The following CREB5 variants were observed in gnomAD, a reference collection of about 807,000 sequenced individuals.
CREB5 encodes the protein cyclic AMP-responsive element-binding protein 5.
CREB5 carries 19 observed loss-of-function variants against 57.1 expected under a neutral mutation model. The ratio of observed to expected loss-of-function variants is 0.33; its 90% CI spans 0.23 to 0.49. The LOEUF (loss-of-function observed/expected upper bound fraction) is 0.49, where lower values mean the gene tolerates loss of function less well. Among genes scored for constraint, CREB5 ranks in the 20% least tolerant of loss-of-function variants. The pLI is 0.99. For missense variants in CREB5, 579 were observed against 671.6 expected (o/e 0.86, Z 1.52); for synonymous variants, 238 against 238.3 (o/e 1.00, Z 0.01).
intron 1 of CREB5, among the ~76,000 whole-genome samples, chr7:28,324,979 C>T (rs13231184): frequency 6.6e-6 from 1 of 152,274 alleles, no homozygotes; most frequent in East Asian, 1.9e-4. Context: ...CAAGACTTGT[C>T]AACGCTTCTT....
intron 4 of CREB5, among the ~76,000 whole-genome samples, chr7:28,509,343 C>G (rs1792607115): frequency 6.6e-6 from 1 of 152,120 alleles, no homozygotes; most frequent in Non-Finnish European, 1.5e-5. Context: ...TATATGAAGC[C>G]CTGTGTGAGG....
chr7:28,569,621 A>G (rs555557076), intron 4 of CREB5, among the ~76,000 whole-genome samples: 69 of 152,310 alleles, frequency 4.5e-4, no homozygotes, highest in Middle Eastern at 6.8e-3. Context: ...ACTATGGTCC[A>G]AGCACCACGG....
chr7:28,675,163 C>T (rs1345356070), intron 5 of CREB5, among the ~76,000 whole-genome samples: 1 of 152,204 alleles, frequency 6.6e-6, no homozygotes, highest in Admixed American at 6.5e-5. Context: ...ACATCCAATG[C>T]TCCCTCTCAT....
chr7:28,553,420 CT>C, intron 4 of CREB5, among the ~76,000 whole-genome samples: 1 of 152,216 alleles, frequency 6.6e-6, no homozygotes, highest in South Asian at 2.1e-4. Flanking sequence ...TGTTTATTTG[CT>C]TTTTAAAATT....
At chr7:28,554,447 T>A (rs750597896) in intron 4 of CREB5, among the ~76,000 whole-genome samples, 1 of 152,234 alleles carries the variant, frequency 6.6e-6, no homozygotes, top group Non-Finnish European at 1.5e-5. Flanking sequence ...TGTTTTGGGT[T>A]TATCTATCTG....
chr7:28,668,656 G>A lies in CREB5; in HGVS notation c.465-50097G>A, dbSNP rs999386831. Among the ~76,000 whole-genome samples the A allele has an allele frequency of 3.3e-5, 5 of 152,298 alleles. No homozygotes were observed. In the South Asian group the frequency reaches 8.3e-4, roughly 25 times the overall value. Reference sequence around the variant, plus strand: ...AAAGGGTTAGGTTTTCTTCTAAACAGATTTGGATGAAAATAGGTTTTATTA... The same window carrying A: ...AAAGGGTTAGGTTTTCTTCTAAACAAATTTGGATGAAAATAGGTTTTATTA... On this transcript the variant is annotated intron_variant, in intron 5 of 10. Coordinates refer to ENST00000357727, the MANE Select transcript of CREB5 (RefSeq NM_182898.4).
chr7:28,786,363 C>T (rs1262342340), intron 7 of CREB5, among the ~76,000 whole-genome samples: 2 of 152,174 alleles, frequency 1.3e-5, no homozygotes, highest in South Asian at 2.1e-4. Context: ...TCTCCTGCCT[C>T]AGCCTCCCAA....
intron 7 of CREB5, chr7:28,749,499 T>A (rs1476057427): frequency 6.6e-6 from 1 of 152,046 alleles, no homozygotes; most frequent in Non-Finnish European, 1.5e-5. Context: ...AAGAAGAGAG[T>A]GGGTTGAATA....
chr7:28,574,551 C>T (rs1187147359), intron 5 of CREB5, among the ~76,000 whole-genome samples: 3 of 152,196 alleles, frequency 2.0e-5, no homozygotes, highest in Admixed American at 2.0e-4. Flanking sequence ...ATATAATTTA[C>T]ACTCAGTAAT....
intron 1 of CREB5, among the ~76,000 whole-genome samples, chr7:28,315,401 C>T (rs144603007): frequency 3.3e-3 from 510 of 152,300 alleles, no homozygotes; most frequent in African/African-American, 0.012. Context: ...GCTGAGGTTG[C>T]CTTCTGTTAG....
At chr7:28,534,009 C>A (rs1020741010) in intron 4 of CREB5, among the ~76,000 whole-genome samples, 2 of 152,192 alleles carry the variant, frequency 1.3e-5, no homozygotes, top group African/African-American at 4.8e-5. Context: ...CCTGTCATCC[C>A]AACCCTGGAA....
chr7:28,413,092 A>ATGTGTGTGTGTGTG (rs10599936), intron 1 of CREB5, among the ~76,000 whole-genome samples, 175 bp downstream of exon 1: 2,812 of 147,298 alleles, frequency 0.019, 45 homozygotes, highest in Admixed American at 0.041. Flanking sequence ...ATGTGGAAGG[A>ATGTGTGTGTGTGTG]TGTGTGTGTG....
At chr7:28,327,764 A>C (rs968334683) in intron 1 of CREB5, among the ~76,000 whole-genome samples, 2 of 152,220 alleles carry the variant, frequency 1.3e-5, no homozygotes, top group Non-Finnish European at 2.9e-5. Context: ...ATTTCACTGA[A>C]ATAATTTTTG....
At chr7:28,453,506 C>G (rs1789934905) in intron 1 of CREB5, among the ~76,000 whole-genome samples, 1 of 152,240 alleles carries the variant, frequency 6.6e-6, no homozygotes, top group Admixed American at 6.5e-5. Flanking sequence ...GACTTATCTT[C>G]TCATATGATT....
chr7:28,689,559 T>C (rs1370609807), intron 5 of CREB5, among the ~76,000 whole-genome samples: 1 of 152,206 alleles, frequency 6.6e-6, no homozygotes, highest in Non-Finnish European at 1.5e-5. Context: ...TGTAGTACAT[T>C]ACTACAATCA....
chr7:28,478,650 C>T (rs1791183945), intron 1 of CREB5, among the ~76,000 whole-genome samples: 1 of 152,098 alleles, frequency 6.6e-6, no homozygotes, highest in Non-Finnish European at 1.5e-5. Flanking sequence ...ATCAACAAGG[C>T]AATTATCACA....
At chr7:28,563,082 T>C (rs949337745) in intron 4 of CREB5, among the ~76,000 whole-genome samples, 1 of 152,204 alleles carries the variant, frequency 6.6e-6, no homozygotes, top group Admixed American at 6.5e-5. Context: ...ATAGTAACCA[T>C]ATATCTACCT....
At chr7:28,513,288 A>G (rs569174618) in intron 4 of CREB5, among the ~76,000 whole-genome samples, 134 of 152,354 alleles carry the variant, frequency 8.8e-4, no homozygotes, top group Non-Finnish European at 1.6e-3. Context: ...TTATGCTAAC[A>G]TGTTGCTTCT....
In CREB5 at chr7:28,560,909, CGT is replaced by C. The variant is rs1268332483; in HGVS notation, c.292-9452_292-9451del. Among the ~76,000 whole-genome samples the C allele has an allele frequency of 6.1e-3, 200 of 32,670 alleles. 17 individuals carry two copies. The highest frequency in any genetic ancestry group is 0.01 in the East Asian group (15 of 1,452). The allele number at this position is 32,670 out of a possible 152,430, so 21.4% of individuals were successfully genotyped here. On this transcript the variant is annotated intron_variant, in intron 4 of 10. Coordinates refer to ENST00000357727, the MANE Select transcript of CREB5 (RefSeq NM_182898.4). ...GTGCGTGTGTGTGCGTGCGCGCGTG[CGT>C]GTGCGTGTGTGCGCGTGCGTGTGTG...
Sources: allele counts gnomAD v4.1 joint callset (sites outside exome capture counted in the v4.1 genomes callset), GRCh38; gene constraint gnomAD v4.1.1; transcripts MANE v1.5; gene names NCBI Gene and HGNC (gene_info 2026-07-23, HGNC 2026-07-21).